The following RGS8 variants were observed in gnomAD, a reference collection of about 807,000 sequenced individuals.
RGS8 encodes the protein regulator of G protein signaling 8, also known as regulator of G-protein signaling 8.
A neutral mutation model predicts 21.7 loss-of-function variants in RGS8; 8 were observed. The observed-to-expected ratio is 0.37, with a 90% CI of 0.22 to 0.66. RGS8 has a LOEUF of 0.66. Ranked by LOEUF, RGS8 falls within the 30% of genes least tolerant of loss-of-function variation. The pLI is 0.59. For synonymous variants in RGS8, 80 were observed against 83.6 expected (o/e 0.96, Z 0.24); for missense variants, 157 against 217.9 (o/e 0.72, Z 1.76).
chr1:182,727,691 A>G, the RGS8 span, among the ~76,000 whole-genome samples: 2 of 152,056 alleles, frequency 1.3e-5, no homozygotes, highest in African/African-American at 2.4e-5. Flanking sequence ...ACTTTTTATT[A>G]TAATTAATTT....
chr1:182,742,486 C>T, the RGS8 span, among the ~76,000 whole-genome samples: 1 of 152,218 alleles, frequency 6.6e-6, no homozygotes, highest in African/African-American at 2.4e-5. Flanking sequence ...TCTGCAATCT[C>T]GGCACCTCGG....
chr1:182,747,043 C>CTTTT, the RGS8 span, among the ~76,000 whole-genome samples: 3 of 21,028 alleles, frequency 1.4e-4, 1 homozygote, highest in African/African-American at 1.4e-4. Flanking sequence ...CACTGCTGGT[C>CTTTT]TTTTTTTTTT....
At chr1:182,705,443 G>A in the RGS8 span, among the ~76,000 whole-genome samples, 2 of 152,178 alleles carry the variant, frequency 1.3e-5, no homozygotes, top group Non-Finnish European at 1.5e-5. Flanking sequence ...TCCAGAACAT[G>A]CCCCACAGTC....
the RGS8 span, among the ~76,000 whole-genome samples, chr1:182,722,000 C>T: frequency 5.9e-5 from 9 of 152,176 alleles, no homozygotes; most frequent in Non-Finnish European, 1.2e-4. Context: ...TGATGGAGAT[C>T]GGCAAAATCA....
At chr1:182,713,993 C>T in the RGS8 span, among the ~76,000 whole-genome samples, 5 of 152,168 alleles carry the variant, frequency 3.3e-5, no homozygotes, top group South Asian at 2.1e-4. Flanking sequence ...CAATCCTCTT[C>T]GTGTGCATAT....
At chr1:182,694,113 T>C in the RGS8 span, among the ~76,000 whole-genome samples, 2 of 151,734 alleles carry the variant, frequency 1.3e-5, no homozygotes, top group African/African-American at 4.9e-5. Context: ...CATGTACCCC[T>C]GAACCTAAAA....
At chr1:182,658,471 C>T (rs1320944776) in intron 5 of RGS8, 2 of 152,162 alleles carry the variant, frequency 1.3e-5, no homozygotes, top group Admixed American at 1.3e-4. Context: ...TCTTGTATCC[C>T]CGAACAACTG....
chr1:182,642,274 C>G (rs907964438), downstream of RGS8: 1 of 151,898 alleles, frequency 6.6e-6, no homozygotes, highest in African/African-American at 2.4e-5. Context: ...GGGACAGGCT[C>G]TCAGTGCCAG....
chr1:182,685,954 A>G (rs72727013), upstream of RGS8, among the ~76,000 whole-genome samples: 1,816 of 152,256 alleles, frequency 0.012, 20 homozygotes, highest in Non-Finnish European at 0.019. Context: ...TGAGTTAAGC[A>G]CTCACAGAGC....
intron 2 of RGS8, 38 bp downstream of exon 3, chr1:182,671,619 C>G (rs1168703757): frequency 6.3e-7 from 1 of 1,576,916 alleles, no homozygotes; most frequent in Admixed American, 1.7e-5. Context: ...CACACAGACA[C>G]CCCGGAGAAG....
rs778651611 is a variant in RGS8 at position 182,671,662 on chromosome 1, T to C, written c.-109A>G. On this transcript the variant is annotated 5_prime_UTR_variant, in exon 2 of 7. Transcript: ENST00000483095. ...AAAGCAAAGGCAATACTCACTGTCT[T>C]TGGCCAGTCCTCATGGCCTGAGGGT... 11 of 1,614,144 alleles carry C rather than the reference T, an allele frequency of 6.8e-6. No homozygotes were observed. The South Asian group carries it at 1.2e-4, about 18-fold the overall frequency.
chr1:182,687,128 T>C (rs377543026), upstream of RGS8, among the ~76,000 whole-genome samples: 4 of 152,070 alleles, frequency 2.6e-5, no homozygotes, highest in Non-Finnish European at 5.9e-5. Flanking sequence ...TATTAAAATA[T>C]GGATTTCTGG....
chr1:182,740,548 GTTTTT>G, the RGS8 span, among the ~76,000 whole-genome samples: 1,430 of 75,936 alleles, frequency 0.019, 24 homozygotes, highest in African/African-American at 0.054. Context: ...TTGTTTGTTT[GTTTTT>G]TTTTTTTTTT....
chr1:182,673,872 G>A (rs1047064009), upstream of RGS8, among the ~76,000 whole-genome samples: 2 of 152,144 alleles, frequency 1.3e-5, no homozygotes, highest in African/African-American at 2.4e-5. Context: ...TATAGAATAA[G>A]GTGAATCCAC....
chr1:182,660,997 G>C (rs1381292379), intron 5 of RGS8, among the ~76,000 whole-genome samples: 3 of 151,888 alleles, frequency 2.0e-5, no homozygotes, highest in African/African-American at 7.3e-5. Context: ...ATGGAAGCCT[G>C]ACTGTTCAAC....
intron 4 of RGS8, among the ~76,000 whole-genome samples, chr1:182,666,558 T>A (rs1052923632): frequency 3.9e-5 from 6 of 152,070 alleles, no homozygotes; most frequent in Admixed American, 3.9e-4. Flanking sequence ...GAACAGTTAT[T>A]TCCAAATTGA....
chr1:182,750,591 G>A, the RGS8 span, among the ~76,000 whole-genome samples: 1 of 152,034 alleles, frequency 6.6e-6, no homozygotes, highest in African/African-American at 2.4e-5. Context: ...TGTTTGTTGA[G>A]GGTTCCTCTA....
At chr1:182,699,608 C>T in the RGS8 span, among the ~76,000 whole-genome samples, 1 of 152,250 alleles carries the variant, frequency 6.6e-6, no homozygotes, top group East Asian at 1.9e-4. Flanking sequence ...GTTGGAGGCT[C>T]TTCTCCCTGT....
chr1:182,678,388 C>G (rs116075669), intron 1 of RGS8, among the ~76,000 whole-genome samples: 296 of 152,290 alleles, frequency 1.9e-3, no homozygotes, highest in African/African-American at 6.7e-3. Context: ...GTACATTTTC[C>G]ATTGTAAGTT....
Sources: gnomAD v4.1 joint callset for allele counts (sites outside exome capture counted in the v4.1 genomes callset) on GRCh38, gnomAD v4.1.1 for gene constraint, MANE v1.5 for transcripts, NCBI Gene and HGNC (gene_info 2026-07-23, HGNC 2026-07-21) for gene names.